NPAS3: variants seen among roughly 807,000 people sequenced by gnomAD.
NPAS3 encodes the protein neuronal PAS domain-containing protein 3.
In NPAS3, 14 loss-of-function variants were observed where a neutral mutation model predicts 73.1. The ratio of observed to expected loss-of-function variants is 0.19; its 90% CI spans 0.13 to 0.30. The LOEUF is 0.30. Ranked by LOEUF, NPAS3 falls within the 10% of genes least tolerant of loss-of-function variation. The probability of loss-of-function intolerance (pLI) is 1.00; values close to 1 mark genes in which losing one functional copy is unlikely to be tolerated. For missense variants in NPAS3, 1,096 were observed against 1,250.0 expected (o/e 0.88, Z 1.86); for synonymous variants, 620 against 541.5 (o/e 1.14, Z -2.01).
chr14:33,776,224 A>C (rs2062810316), intron 8 of NPAS3, among the ~76,000 whole-genome samples: 1 of 152,148 alleles, frequency 6.6e-6, no homozygotes, highest in African/African-American at 2.4e-5. Flanking sequence ...GGAGAAGGAG[A>C]TCCAACCAGG....
chr14:33,260,376 A>G (rs941380038), intron 3 of NPAS3, among the ~76,000 whole-genome samples: 9 of 151,678 alleles, frequency 5.9e-5, no homozygotes, highest in African/African-American at 2.2e-4. Context: ...GTTTGGCCAC[A>G]GTTCACTTTC....
intron 3 of NPAS3, among the ~76,000 whole-genome samples, chr14:33,330,677 G>T (rs1031143633): frequency 2.0e-5 from 3 of 152,144 alleles, no homozygotes; most frequent in Non-Finnish European, 4.4e-5. Flanking sequence ...GTTATTGGAC[G>T]TCTATTCCAG....
intron 6 of NPAS3, among the ~76,000 whole-genome samples, chr14:33,683,738 G>T (rs1162083453): frequency 6.6e-6 from 1 of 152,210 alleles, no homozygotes; most frequent in Admixed American, 6.5e-5. Flanking sequence ...ACTCATGATT[G>T]CTTGGGGAAA....
intron 5 of NPAS3, among the ~76,000 whole-genome samples, chr14:33,657,789 T>TAA (rs34461549): frequency 1.6e-4 from 24 of 149,650 alleles, no homozygotes; most frequent in East Asian, 5.9e-4. Context: ...GCAGATTATG[T>TAA]AAAAAAAAAA....
At chr14:33,803,140 T>TA (rs1233418746), downstream of NPAS3, 3 of 152,314 alleles carry the variant, frequency 2.0e-5, no homozygotes, top group Non-Finnish European at 2.9e-5. Context: ...GCTCTACCTA[T>TA]AAGCAGTGGG....
intron 4 of NPAS3, among the ~76,000 whole-genome samples, chr14:33,516,267 G>A (rs1405471537): frequency 6.6e-6 from 1 of 152,102 alleles, no homozygotes; most frequent in Admixed American, 6.5e-5. Context: ...GTGAGATAGA[G>A]AATTAGAAAA....
At chr14:33,539,534 C>T (rs1024947102) in intron 4 of NPAS3, among the ~76,000 whole-genome samples, 4 of 151,934 alleles carry the variant, frequency 2.6e-5, no homozygotes, top group Non-Finnish European at 5.9e-5. Context: ...GATCCACTGA[C>T]GAAAGACTGG....
chr14:33,468,207 G>T (rs538804274), intron 4 of NPAS3, among the ~76,000 whole-genome samples: 1 of 152,300 alleles, frequency 6.6e-6, no homozygotes, highest in South Asian at 2.1e-4. Flanking sequence ...CAGACTCTCT[G>T]ATTTAAAGCC....
intron 1 of NPAS3, among the ~76,000 whole-genome samples, chr14:32,940,063 A>G (rs2035923944): frequency 6.6e-6 from 1 of 152,212 alleles, no homozygotes; most frequent in East Asian, 1.9e-4. Flanking sequence ...TACCCCTCCC[A>G]AAGGAAAAAG....
intron 5 of NPAS3, among the ~76,000 whole-genome samples, chr14:33,627,809 C>T (rs1312603696): frequency 6.6e-6 from 1 of 152,222 alleles, no homozygotes; most frequent in Non-Finnish European, 1.5e-5. Flanking sequence ...TTTGGATGTG[C>T]TGTGTTCCAC....
At chr14:33,555,977 G>T (rs1344127911) in intron 4 of NPAS3, among the ~76,000 whole-genome samples, 3 of 151,404 alleles carry the variant, frequency 2.0e-5, no homozygotes, top group Non-Finnish European at 4.4e-5. Flanking sequence ...TACCAAATTG[G>T]CCGTTATTTT....
intron 3 of NPAS3, among the ~76,000 whole-genome samples, chr14:33,339,818 T>G (rs1209413159): frequency 6.6e-6 from 1 of 152,242 alleles, no homozygotes; most frequent in Non-Finnish European, 1.5e-5. Context: ...GATTTGGCCT[T>G]AAATCCATGT....
chr14:33,067,529 T>C (rs1382092004), intron 2 of NPAS3, among the ~76,000 whole-genome samples: 5 of 152,250 alleles, frequency 3.3e-5, no homozygotes, highest in Admixed American at 2.6e-4. Flanking sequence ...TTGCATTGTT[T>C]CACCTCACAA....
intron 4 of NPAS3, among the ~76,000 whole-genome samples, chr14:33,433,631 AGGGCCTTGTACTCTT>A (rs2048866866): frequency 6.6e-6 from 1 of 152,212 alleles, no homozygotes; most frequent in Non-Finnish European, 1.5e-5. Context: ...CAGCCAAGAT[AGGGCCTTGTACTCTT>A]GGACTTCATT....
intron 6 of NPAS3, among the ~76,000 whole-genome samples, chr14:33,686,903 C>A (rs1293925657): frequency 6.6e-6 from 1 of 152,214 alleles, no homozygotes; most frequent in Non-Finnish European, 1.5e-5. Flanking sequence ...GGCCTTGATA[C>A]TGGCTCATTT....
At chr14:33,507,663 GGAA>G (rs1467647621) in intron 4 of NPAS3, among the ~76,000 whole-genome samples, 1 of 151,918 alleles carries the variant, frequency 6.6e-6, no homozygotes, top group African/African-American at 2.4e-5. Context: ...CCCTGACCAT[GGAA>G]CATGGAATTT....
At chr14:33,311,902 T>G (rs58920304) in intron 3 of NPAS3, among the ~76,000 whole-genome samples, 3,993 of 152,184 alleles carry the variant, frequency 0.026, 164 homozygotes, top group African/African-American at 0.09. Context: ...AGGAAGGGTA[T>G]GCATGCCAAG....
downstream of NPAS3, chr14:33,802,244 G>T (rs773910009): frequency 1.3e-5 from 2 of 151,446 alleles, no homozygotes; most frequent in African/African-American, 4.9e-5. Flanking sequence ...GTATTTGGGG[G>T]GACTGGTTTG....
In NPAS3 at chr14:33,512,365, C is replaced by T. The variant is rs1016017480; in HGVS notation, c.469-47756C>T. Among the ~76,000 whole-genome samples the T allele has an allele frequency of 2.6e-5, 4 of 151,960 alleles. No homozygotes were observed. In the South Asian group the frequency reaches 8.3e-4, roughly 32 times the overall value. On this transcript the variant is annotated intron_variant, in intron 4 of 11. Coordinates refer to ENST00000356141, the Ensembl canonical transcript of NPAS3. The stretch of plus-strand genomic sequence containing the variant: ...AGAAGTGAAGAAATCCATTCAACAC[C>T]CGAGAAAAGTTTTGTAGGACTTTAC...
Sources: gnomAD v4.1 joint callset for allele counts (sites outside exome capture counted in the v4.1 genomes callset) on GRCh38, gnomAD v4.1.1 for gene constraint, MANE v1.5 for transcripts, NCBI Gene and HGNC (gene_info 2026-07-23, HGNC 2026-07-21) for gene names.